SIK2: variants seen among roughly 807,000 people sequenced by gnomAD.
SIK2 encodes serine/threonine-protein kinase SIK2.
A neutral mutation model predicts 103.2 loss-of-function variants in SIK2; 29 were observed. The ratio of observed to expected loss-of-function variants is 0.28; its 90% CI spans 0.21 to 0.38. The LOEUF (loss-of-function observed/expected upper bound fraction) is 0.38. Among genes scored for constraint, SIK2 ranks in the 10% least tolerant of loss-of-function variants. The pLI, the probability that SIK2 is intolerant of heterozygous loss-of-function variation, is 1.00. For synonymous variants in SIK2, 412 were observed against 446.1 expected (o/e 0.92, Z 0.96); for missense variants, 879 against 1,171.0 (o/e 0.75, Z 3.64).
Position 111,724,330 on chromosome 11 carries a change from C to T in SIK2, c.*201C>T. On this transcript the variant is annotated 3_prime_UTR_variant, in exon 15 of 15. Transcript: ENST00000304987. ...TGCCCCACCACAAAGTTTTCTGTGG[C>T]AAGTGCTGGAACATAGTTGTAGGCT... 1 of 712,398 alleles carries T rather than the reference C, an allele frequency of 1.4e-6. No individual in the cohort carries two copies. Among genetic ancestry groups the T allele is most frequent in the Non-Finnish European group, 2.2e-6 (1 of 445,878 alleles). 44.1% of individuals were successfully genotyped at this position (712,398 alleles called of 1,614,324 possible). A position where few individuals can be genotyped will look rare whatever the true frequency, so the allele number is the denominator to read the frequency against.
intron 3 of SIK2, among the ~76,000 whole-genome samples, chr11:111,661,224 C>A (rs1942463342): frequency 6.6e-6 from 1 of 152,068 alleles, no homozygotes; most frequent in Non-Finnish European, 1.5e-5. Flanking sequence ...AGGTTAGAAG[C>A]CCAGAAAGTT....
At chr11:111,650,313 T>C (rs1251543478) in intron 3 of SIK2, among the ~76,000 whole-genome samples, 4 of 152,092 alleles carry the variant, frequency 2.6e-5, no homozygotes, top group Non-Finnish European at 4.4e-5. Context: ...TAGTAAAACA[T>C]AAATTTAATT....
intron 3 of SIK2, among the ~76,000 whole-genome samples, chr11:111,645,796 C>T (rs1177481265): frequency 1.4e-5 from 2 of 147,296 alleles, no homozygotes; most frequent in South Asian, 2.1e-4. Context: ...GCCTGGGCAA[C>T]AAGAGCAAGA....
intron 3 of SIK2, among the ~76,000 whole-genome samples, chr11:111,663,039 C>G (rs1320419120): frequency 6.6e-6 from 1 of 151,974 alleles, no homozygotes; most frequent in Non-Finnish European, 1.5e-5. Flanking sequence ...TCAAGACCAG[C>G]CTGGGCAACA....
intron 2 of SIK2, among the ~76,000 whole-genome samples, chr11:111,619,417 A>G (rs1941852202): frequency 6.6e-6 from 1 of 151,912 alleles, no homozygotes; most frequent in Non-Finnish European, 1.5e-5. Context: ...TTTTTGAGAC[A>G]TAGTTTTCAT....
At chr11:111,687,689 T>C (rs1365097257) in intron 3 of SIK2, among the ~76,000 whole-genome samples, 1 of 150,634 alleles carries the variant, frequency 6.6e-6, no homozygotes, top group African/African-American at 2.4e-5. Flanking sequence ...CACTGCAAGC[T>C]CCACCTCCTG....
chr11:111,718,317 A>G (rs1943705950), intron 9 of SIK2, among the ~76,000 whole-genome samples: 1 of 152,202 alleles, frequency 6.6e-6, no homozygotes, highest in Non-Finnish European at 1.5e-5. Flanking sequence ...TCTTGCAAGG[A>G]AACTATTAAG....
chr11:111,646,083 C>T (rs967949924), intron 3 of SIK2, among the ~76,000 whole-genome samples: 7 of 152,058 alleles, frequency 4.6e-5, no homozygotes, highest in Admixed American at 2.0e-4. Context: ...TGCATGTGCG[C>T]GCACATGAGT....
rs372888806 is a variant in SIK2, at chr11:111,620,623, G to A, written c.316+221G>A. Among the ~76,000 whole-genome samples the A allele has an allele frequency of 5.9e-5, 9 of 152,076 alleles. No individual in the cohort carries two copies. In the East Asian group the frequency reaches 1.2e-3, roughly 19 times the overall value. ...ACTTCTGTCATCTCTATTAGAGACT[G>A]GAGAATCAAACATATGGAGGAACTT... On this transcript the variant is annotated intron_variant, in intron 3 of 14. Coordinates refer to ENST00000304987, the MANE Select transcript of SIK2 (RefSeq NM_015191.3).
intron 9 of SIK2, 56 bp from the exon 10 acceptor site, chr11:111,719,719 G>A (rs1943745740): frequency 6.5e-7 from 1 of 1,536,918 alleles, no homozygotes; most frequent in African/African-American, 1.4e-5. Flanking sequence ...TTCCTTTGTG[G>A]ATTTTTCTGT....
At chr11:111,689,984 GTA>G (rs34362451) in intron 4 of SIK2, among the ~76,000 whole-genome samples, 53,793 of 148,408 alleles carry the variant, frequency 0.36, 11,125 homozygotes, top group African/African-American at 0.57. Flanking sequence ...GTGTGTATGT[GTA>G]TATATATATA....
intron 3 of SIK2, among the ~76,000 whole-genome samples, chr11:111,644,013 C>T (rs1465029164): frequency 6.6e-6 from 1 of 151,306 alleles, no homozygotes; most frequent in African/African-American, 2.4e-5. Flanking sequence ...AGAGGCCAGG[C>T]GTGGTGGCTA....
At chr11:111,606,438 G>A (rs534526979) in intron 1 of SIK2, among the ~76,000 whole-genome samples, 136 of 152,040 alleles carry the variant, frequency 8.9e-4, no homozygotes, top group African/African-American at 3.1e-3. Context: ...ATAGATGAAA[G>A]CACATGGTAC....
rs1184940281 is a variant in SIK2, at chr11:111,612,944, A to ATATATATATT, written c.136-3296_136-3295insATATATTTAT. 3.2e-3 allele frequency among the ~76,000 whole-genome samples: 473 copies of ATATATATATT among 147,572 alleles called. 1 individual carries two copies. Among genetic ancestry groups the ATATATATATT allele is most frequent in the Non-Finnish European group, 5.3e-3 (353 of 67,064 alleles). ...TATATATATATATATATATATATAT[A>ATATATATATT]TATTTATGATCATAGGATCATAGAT... On this transcript the variant is annotated intron_variant, in intron 1 of 14. Coordinates refer to ENST00000304987, the MANE Select transcript of SIK2 (RefSeq NM_015191.3).
intron 3 of SIK2, among the ~76,000 whole-genome samples, chr11:111,623,033 C>T (rs965057302): frequency 1.3e-5 from 2 of 152,180 alleles, no homozygotes; most frequent in Non-Finnish European, 2.9e-5. Flanking sequence ...ATATTCCAGT[C>T]AAATGTATAT....
intron 3 of SIK2, among the ~76,000 whole-genome samples, chr11:111,647,599 T>A (rs1942274533): frequency 1.5e-5 from 2 of 134,436 alleles, no homozygotes; most frequent in South Asian, 4.7e-4. Flanking sequence ...ACACGGTGGC[T>A]CACAGCCTGT....
At chr11:111,678,633 T>C (rs1023110903) in intron 3 of SIK2, among the ~76,000 whole-genome samples, 3 of 152,262 alleles carry the variant, frequency 2.0e-5, no homozygotes. Context: ...AATTATGATT[T>C]TCTGTACATG....
chr11:111,697,132 A>G (rs951084249), intron 4 of SIK2, among the ~76,000 whole-genome samples: 5 of 152,240 alleles, frequency 3.3e-5, no homozygotes, highest in Admixed American at 1.3e-4. Flanking sequence ...CTTGGTTTCT[A>G]TTCCACTGCT....
In SIK2 at chr11:111,682,064, T is replaced by C. The variant is rs117072446; in HGVS notation, c.317-5937T>C. Among the ~76,000 whole-genome samples, 1,500 of 152,282 alleles carry C rather than the reference T, an allele frequency of 9.9e-3. 7 individuals are homozygous for C. Among genetic ancestry groups the C allele is most frequent in the Non-Finnish European group, 0.015 (1,016 of 68,022 alleles). On this transcript the variant is annotated intron_variant, in intron 3 of 14. Coordinates refer to ENST00000304987, the MANE Select transcript of SIK2 (RefSeq NM_015191.3). ...ACCATGATATTAGGAGAAAGATTGC[T>C]AAGAATCTTTAATTGAAGGATCAGG...
Sources: gnomAD v4.1 joint callset for allele counts (sites outside exome capture counted in the v4.1 genomes callset) on GRCh38, gnomAD v4.1.1 for gene constraint, MANE v1.5 for transcripts, NCBI Gene and HGNC (gene_info 2026-07-23, HGNC 2026-07-21) for gene names.